Variants in ZNF438 observed in about 807,000 individuals in gnomAD.
ZNF438 encodes zinc finger protein 438.
Under a neutral mutation model 38.0 loss-of-function variants are expected in ZNF438, and 25 were observed. The observed-to-expected ratio is 0.66, with a 90% CI of 0.48 to 0.92. ZNF438 has a LOEUF of 0.92. Among genes scored for constraint, ZNF438 ranks in the 40% least tolerant of loss-of-function variants. ZNF438 has a pLI of 0.00. For missense variants in ZNF438, 1,007 were observed against 999.6 expected (o/e 1.01, Z -0.10); for synonymous variants, 372 against 364.1 (o/e 1.02, Z -0.25).
chr10:30,980,756 G>A (rs2052034042), intron 1 of ZNF438, among the ~76,000 whole-genome samples: 1 of 152,164 alleles, frequency 6.6e-6, no homozygotes, highest in South Asian at 2.1e-4. Context: ...GCTAAGGACT[G>A]AGCCCTGAGA....
chr10:30,923,545 C>T (rs1395147819), intron 2 of ZNF438, among the ~76,000 whole-genome samples: 5 of 152,184 alleles, frequency 3.3e-5, no homozygotes, highest in African/African-American at 9.7e-5. Flanking sequence ...TCTATTGCCT[C>T]AGCACCATAT....
At chr10:30,853,933 T>C (rs2132906401) in intron 4 of ZNF438, among the ~76,000 whole-genome samples, 1 of 151,648 alleles carries the variant, frequency 6.6e-6, no homozygotes, top group East Asian at 2.0e-4. Flanking sequence ...AGGTGGAGGT[T>C]GCAGTGAGCT....
At chr10:30,886,848 T>G (rs1235475246) in intron 3 of ZNF438, among the ~76,000 whole-genome samples, 1 of 152,220 alleles carries the variant, frequency 6.6e-6, no homozygotes, top group Non-Finnish European at 1.5e-5. Context: ...AAGGATAATT[T>G]ACATTCAACA....
intron 1 of ZNF438, among the ~76,000 whole-genome samples, chr10:31,018,206 A>C (rs886740847): frequency 2.0e-5 from 3 of 152,134 alleles, no homozygotes; most frequent in Admixed American, 6.5e-5. Flanking sequence ...CAACACTGCA[A>C]TGCCCCATAT....
intron 1 of ZNF438, among the ~76,000 whole-genome samples, chr10:30,952,239 C>A (rs1195215412): frequency 6.0e-5 from 9 of 149,508 alleles, no homozygotes; most frequent in African/African-American, 2.0e-4. Context: ...ACACCTTATA[C>A]AAAAATCAAT....
chr10:31,022,762 C>T (rs1172278050), intron 1 of ZNF438, among the ~76,000 whole-genome samples: 4 of 152,176 alleles, frequency 2.6e-5, no homozygotes, highest in African/African-American at 7.2e-5. Context: ...TGAAGTTTGC[C>T]TCATCCGCCA....
At chr10:30,926,055 CACTT>C (rs999299956) in intron 2 of ZNF438, among the ~76,000 whole-genome samples, 3 of 152,124 alleles carry the variant, frequency 2.0e-5, no homozygotes, top group Non-Finnish European at 4.4e-5. Context: ...AGTCATAAAA[CACTT>C]ACTAAAAATA....
intron 1 of ZNF438, among the ~76,000 whole-genome samples, chr10:31,022,692 T>C: frequency 6.6e-6 from 1 of 152,174 alleles, no homozygotes; most frequent in East Asian, 1.9e-4. Flanking sequence ...TTCTTCTTCA[T>C]GACAATGCCC....
In ZNF438 at chr10:31,010,892, GAAAAAAAAA is replaced by G. The variant is rs563189482; in HGVS notation, c.-192+20932_-192+20940del. 9.7e-3 allele frequency among the ~76,000 whole-genome samples: 902 copies of G among 92,516 alleles called. 19 individuals are homozygous for G. Among genetic ancestry groups the G allele is most frequent in the African/African-American group, 0.043 (798 of 18,656 alleles). The allele number at this position is 92,516 out of a possible 152,430, so 60.7% of individuals were successfully genotyped here. A position where few individuals can be genotyped will look rare whatever the true frequency, so the allele number is the denominator to read the frequency against. The stretch of plus-strand genomic sequence containing the variant: ...TGGATAACGAAGTGAGACCCTGTTT[GAAAAAAAAA>G]AAAAAAAAAAAAAAAAAAAAAGATT... On this transcript the variant is annotated intron_variant, in intron 1 of 5. Transcript: ENST00000413025.
At chr10:31,005,417 T>C (rs1027702060) in intron 1 of ZNF438, among the ~76,000 whole-genome samples, 3 of 152,076 alleles carry the variant, frequency 2.0e-5, no homozygotes, top group African/African-American at 7.3e-5. Flanking sequence ...AGAAAATGCA[T>C]GATTTCACTT....
At chr10:31,025,288 GTTGTC>G (rs2056869208) in intron 1 of ZNF438, among the ~76,000 whole-genome samples, 1 of 152,224 alleles carries the variant, frequency 6.6e-6, no homozygotes. Flanking sequence ...TTGTTGAGAA[GTTGTC>G]TTGTACATTG....
intron 4 of ZNF438, among the ~76,000 whole-genome samples, chr10:30,857,199 A>T (rs1184966975): frequency 6.6e-6 from 1 of 152,006 alleles, no homozygotes; most frequent in Non-Finnish European, 1.5e-5. Flanking sequence ...ACCATATCTA[A>T]ATTTTAAATA....
rs557354212 is a variant in ZNF438, at chr10:30,957,517, C to T, written c.-191-15866G>A. Among the ~76,000 whole-genome samples the T allele has an allele frequency of 4.1e-3, 618 of 152,272 alleles. 1 individual carries two copies. Among genetic ancestry groups the T allele is most frequent in the Non-Finnish European group, 6.6e-3 (451 of 68,000 alleles). On this transcript the variant is annotated intron_variant, in intron 1 of 5. Transcript: ENST00000413025. ...GTATTCTAATAGTTTCATAGTCTGT[C>T]TTTAATCCATTTTGAGTTGATGTTG... is the stretch of plus-strand genomic sequence containing the variant.
intron 1 of ZNF438, among the ~76,000 whole-genome samples, chr10:30,963,590 G>A (rs1265283144): frequency 6.6e-6 from 1 of 151,938 alleles, no homozygotes; most frequent in Admixed American, 6.6e-5. Context: ...ATATGCCAAT[G>A]AGGCCAGGCC....
chr10:30,914,789 G>GA (rs1474797876), intron 2 of ZNF438, among the ~76,000 whole-genome samples: 3 of 151,770 alleles, frequency 2.0e-5, no homozygotes, highest in Non-Finnish European at 2.9e-5. Flanking sequence ...TAGGTAGACA[G>GA]AAAGAAATGT....
chr10:30,997,171 G>A lies in ZNF438; in HGVS notation c.-192+34662C>T, dbSNP rs375607671. Among the ~76,000 whole-genome samples, 5 of 152,148 alleles carry A rather than the reference G, an allele frequency of 3.3e-5. No individual in the cohort carries two copies. In the East Asian group the frequency reaches 9.6e-4, roughly 29 times the overall value. Reference sequence around the variant, plus strand: ...AGAAAAGCAAACTAAACCTAAGCAAGCAGACGGAAGGAAATAATAAAGAAT... The same window carrying A: ...AGAAAAGCAAACTAAACCTAAGCAAACAGACGGAAGGAAATAATAAAGAAT... On this transcript the variant is annotated intron_variant, in intron 1 of 5. Transcript: ENST00000413025.
chr10:31,026,191 T>C (rs937369920), intron 1 of ZNF438, among the ~76,000 whole-genome samples: 4 of 152,212 alleles, frequency 2.6e-5, no homozygotes. Flanking sequence ...AAGGACTTCA[T>C]GTCTAAAACA....
At chr10:30,961,108 TA>T (rs2049410630) in intron 1 of ZNF438, among the ~76,000 whole-genome samples, 1 of 144,764 alleles carries the variant, frequency 6.9e-6, no homozygotes, top group Admixed American at 7.0e-5. Flanking sequence ...ATATTAATCT[TA>T]TCTTACCAGA....
rs1471414572 is a variant in ZNF438, at chr10:31,021,195, G to T, written c.-192+10638C>A. 4.6e-5 allele frequency among the ~76,000 whole-genome samples: 7 copies of T among 151,542 alleles called. No homozygotes were observed. The East Asian group carries it at 1.4e-3, about 29-fold the overall frequency. ...CATACATAAATACAGACAGCACTTA[G>T]GGCATTTAAAAATAAAACTTCAATA... On this transcript the variant is annotated intron_variant, in intron 1 of 5. Transcript: ENST00000413025.
Sources: gnomAD v4.1 joint callset for allele counts (sites outside exome capture counted in the v4.1 genomes callset) on GRCh38, gnomAD v4.1.1 for gene constraint, MANE v1.5 for transcripts, NCBI Gene and HGNC (gene_info 2026-07-23, HGNC 2026-07-21) for gene names.